Variants in PKD1L1 observed in about 807,000 individuals in gnomAD.
PKD1L1 encodes polycystin 1 like 1, transient receptor potential channel interacting.
In PKD1L1, 236 loss-of-function variants were observed where a neutral mutation model predicts 323.4. The ratio of observed to expected loss-of-function variants is 0.73; its 90% CI spans 0.66 to 0.81. The LOEUF (loss-of-function observed/expected upper bound fraction) is 0.81. Among genes scored for constraint, PKD1L1 ranks in the 40% least tolerant of loss-of-function variants. The pLI, the probability that PKD1L1 is intolerant of heterozygous loss-of-function variation, is 0.00. For synonymous variants in PKD1L1, 1,344 were observed against 1,335.0 expected (o/e 1.01, Z -0.15); for missense variants, 3,320 against 3,508.0 (o/e 0.95, Z 1.35).
rs1469784383 is a variant in PKD1L1 at position 47,839,439 on chromosome 7, A to C, written c.5769+7T>G. 1 of 1,601,848 alleles carries C rather than the reference A, an allele frequency of 6.2e-7. No homozygotes were observed. Among genetic ancestry groups the C allele is most frequent in the African/African-American group, 1.3e-5 (1 of 74,806 alleles). ...GCGCCACGAGAGGCCACCTGGAGGG[A>C]GCCTACCTTCCGGAAGCCGAGTCCC... On this transcript the variant is annotated splice_region_variant and intron_variant, in intron 36 of 56. Coordinates refer to ENST00000289672, the MANE Select transcript of PKD1L1 (RefSeq NM_138295.5). The surrounding 1 kb of genome is among the most constrained non-coding windows in gnomAD (Gnocchi z 4.3).
intron 40 of PKD1L1, among the ~76,000 whole-genome samples, chr7:47,833,518 T>C (rs1306820532): frequency 6.6e-6 from 1 of 152,128 alleles, no homozygotes. Flanking sequence ...TGATTGCACC[T>C]GGTTCTCTGG....
chr7:47,881,476 C>T (rs1251043344), intron 20 of PKD1L1, among the ~76,000 whole-genome samples: 3 of 152,136 alleles, frequency 2.0e-5, no homozygotes, highest in Non-Finnish European at 4.4e-5. Flanking sequence ...TGTATTAACA[C>T]GAAAGGGGGA....
At position 47,932,072 on chromosome 7, in the gene PKD1L1, A is replaced by C; in HGVS notation, c.399-16T>G. 1 of 1,590,430 alleles carries C rather than the reference A, an allele frequency of 6.3e-7. No homozygotes were observed. The highest frequency in any genetic ancestry group is 1.1e-5 in the South Asian group (1 of 87,918). The stretch of plus-strand genomic sequence containing the variant: ...GTGGGGAATTCTGTATGGGAAGGAA[A>C]GTGCAGAAAGAAAAGGAAACCCGGT... On this transcript the variant is annotated splice_polypyrimidine_tract_variant and intron_variant, in intron 4 of 56. Coordinates refer to ENST00000289672, the MANE Select transcript of PKD1L1 (RefSeq NM_138295.5).
In PKD1L1 at chr7:47,885,940, G is replaced by A. The variant is rs764115525; in HGVS notation, c.2951C>T (p.Thr984Met). 1.7e-5 allele frequency: 28 copies of A among 1,614,176 alleles called. No individual in the cohort carries two copies. In the East Asian group the frequency reaches 2.9e-4, roughly 17 times the overall value. The change falls in exon 18 of 57, where the codon ACG becomes ATG. Residue 984 changes from threonine (T) to methionine (M), a missense_variant. Coordinates refer to ENST00000289672, the MANE Select transcript of PKD1L1 (RefSeq NM_138295.5). ...AGGTTCCCGTGAGAATGGTGTGGTC[G>A]TTGCATCAGGATCTGCAGTGCCAGG... ...TEPGTADPDA[T>M]TTPFSREPSP...
chr7:47,822,114 C>T (rs562656842), intron 45 of PKD1L1, among the ~76,000 whole-genome samples: 7 of 152,138 alleles, frequency 4.6e-5, no homozygotes, highest in Non-Finnish European at 7.4e-5. Flanking sequence ...CATTGATTTG[C>T]GTGTCTATCT....
At chr7:47,778,520 C>T (rs17545292) in intron 56 of PKD1L1, among the ~76,000 whole-genome samples, 33,618 of 152,074 alleles carry the variant, frequency 0.22, 4,030 homozygotes, top group South Asian at 0.27. Context: ...AGCCCTCAAA[C>T]AGGTGAAGAT....
intron 24 of PKD1L1, among the ~76,000 whole-genome samples, chr7:47,872,681 C>A (rs1786307677): frequency 6.6e-6 from 1 of 152,158 alleles, no homozygotes; most frequent in African/African-American, 2.4e-5. Flanking sequence ...AACAAAAAGA[C>A]AATAACCAGT....
intron 2 of PKD1L1, among the ~76,000 whole-genome samples, chr7:47,942,948 C>T (rs1004927990): frequency 2.0e-5 from 3 of 151,984 alleles, no homozygotes; most frequent in Non-Finnish European, 4.4e-5. Flanking sequence ...AGATGGAGAC[C>T]ATCCTGGCTA....
intron 8 of PKD1L1, among the ~76,000 whole-genome samples, chr7:47,909,914 A>C (rs1170349488): frequency 6.6e-6 from 1 of 152,230 alleles, no homozygotes; most frequent in Non-Finnish European, 1.5e-5. Flanking sequence ...TGATAAGCAG[A>C]GGCCAGAGAG....
intron 12 of PKD1L1, among the ~76,000 whole-genome samples, chr7:47,904,107 A>C (rs1480405466): frequency 6.6e-6 from 1 of 152,104 alleles, no homozygotes; most frequent in Admixed American, 6.6e-5. Context: ...CCTACTCAAG[A>C]TATCACTTTC....
chr7:47,846,761 G>C, intron 32 of PKD1L1, 118 bp downstream of exon 32: 1 of 923,638 alleles, frequency 1.1e-6, no homozygotes, highest in East Asian at 2.6e-5. Flanking sequence ...TACAAACCAA[G>C]AGAGCTCCAG....
chr7:47,890,454 G>C (rs1786786204), intron 16 of PKD1L1, 88 bp downstream of exon 16: 2 of 1,333,944 alleles, frequency 1.5e-6, no homozygotes, highest in East Asian at 4.7e-5. Context: ...ACTGCTTGCT[G>C]TGCACAGCAG....
rs1416577802 is a variant in PKD1L1, at chr7:47,855,010, T to C, written c.4731A>G (p.Val1577=). 1.2e-6 allele frequency: 2 copies of C among 1,613,328 alleles called. No individual in the cohort carries two copies. Among genetic ancestry groups the C allele is most frequent in the Non-Finnish European group, 1.7e-6 (2 of 1,179,872 alleles). ...GGAGATTCACTTTATCCCGAAGTAA[T>C]ACAAATGTCGTTTTATTTCTCCTAT... ...LDNRRNKTTF[V]LLRDKVNLHQ... The change falls in exon 30 of 57, where the codon GTA becomes GTG. Residue 1577 remains valine, a synonymous_variant. Transcript: ENST00000289672.
At chr7:47,816,819 A>C (rs938904636) in intron 46 of PKD1L1, among the ~76,000 whole-genome samples, 9 of 152,230 alleles carry the variant, frequency 5.9e-5, no homozygotes, top group African/African-American at 2.2e-4. Context: ...GCTTTGGTAA[A>C]CGAGGCTTGA....
chr7:47,865,156 A>G, intron 26 of PKD1L1, 60 bp downstream of exon 26: 1 of 1,243,240 alleles, frequency 8.0e-7, no homozygotes, highest in East Asian at 2.4e-5. Context: ...TCAAGAACTG[A>G]TCATGTCCCT....
Position 47,834,334 on chromosome 7 carries a change from T to C in PKD1L1, c.6174+5A>G. On this transcript the variant is annotated splice_donor_5th_base_variant and intron_variant, in intron 40 of 56. Transcript: ENST00000289672. ...ATTAGCTGCTGCGCATAATGATTGA[T>C]TTACCTTGCGTGGCTCCTGTGCGTC... 6.2e-7 allele frequency: 1 copy of C among 1,613,204 alleles called. No individual in the cohort carries two copies.
Position 47,807,198 on chromosome 7 carries a change from T to C in PKD1L1, c.7827+1049A>G, listed in dbSNP as rs539183612. On this transcript the variant is annotated intron_variant, in intron 52 of 56. Transcript: ENST00000289672. ...ACTTCAGGAGAAAAGCCAAATCTTC[T>C]GCTTGGGCTCCTTTAGAACCTGTTT... 2.6e-5 allele frequency among the ~76,000 whole-genome samples: 4 copies of C among 152,168 alleles called. No individual in the cohort carries two copies. The South Asian group carries it at 8.3e-4, about 32-fold the overall frequency.
upstream of PKD1L1, among the ~76,000 whole-genome samples, chr7:47,952,453 G>A (rs1030290303): frequency 6.6e-6 from 1 of 152,178 alleles, no homozygotes; most frequent in African/African-American, 2.4e-5. Context: ...TCCGCCCCAT[G>A]GGCTGGAGCA....
In PKD1L1 at chr7:47,839,459, A is replaced by C. The variant is rs1368207379; in HGVS notation, c.5756T>G (p.Leu1919Arg). 2 of 1,609,730 alleles carry C rather than the reference A, an allele frequency of 1.2e-6. No homozygotes were observed. The highest frequency in any genetic ancestry group is 1.7e-6 in the Non-Finnish European group (2 of 1,177,946). ...GAGGGAGCCTACCTTCCGGAAGCCG[A>C]GTCCCCCTTGCAGACAGGTGAGCTC... ...ERELTCLQGGLGFRKLFYCKF... is the reference protein window; with the variant it reads ...ERELTCLQGGRGFRKLFYCKF... Residue 1919 changes from leucine (L) to arginine (R), a missense_variant, in exon 36 of 57, where the codon CTC becomes CGC. Physicochemically the swap from Leu to Arg is moderately radical, Grantham distance 102. Coordinates refer to ENST00000289672, the MANE Select transcript of PKD1L1 (RefSeq NM_138295.5). This position sits in a 1 kb window ranked among gnomAD's most constrained non-coding sequence, Gnocchi z 4.3.
Sources: gnomAD v4.1 joint callset for allele counts (sites outside exome capture counted in the v4.1 genomes callset) on GRCh38, gnomAD v4.1.1 for gene constraint, Gnocchi (gnomAD v3.1) non-coding constraint, MANE v1.5 for transcripts, NCBI Gene and HGNC (gene_info 2026-07-23, HGNC 2026-07-21) for gene names.